Variants in NAALADL2 observed in about 807,000 individuals in gnomAD.
The protein encoded by NAALADL2 is N-acetylated alpha-linked acidic dipeptidase like 2.
Under a neutral mutation model 87.2 loss-of-function variants are expected in NAALADL2, and 76 were observed. The observed-to-expected ratio is 0.87, with a 90% confidence interval of 0.72 to 1.05. The LOEUF (loss-of-function observed/expected upper bound fraction) is 1.05. Ranked by LOEUF, NAALADL2 falls within the 50% of genes least tolerant of loss-of-function variation. The pLI is 0.00. For missense variants in NAALADL2, 1,089 were observed against 945.8 expected, an observed-to-expected ratio of 1.15 and a Z score of -1.99; for synonymous variants, 354 against 331.0, an observed-to-expected ratio of 1.07 and a Z score of -0.75.
intron 3 of NAALADL2, among the ~76,000 whole-genome samples, chr3:174,740,422 T>A (rs1228188768): frequency 6.6e-6 from 1 of 151,978 alleles, no homozygotes; most frequent in East Asian, 1.9e-4. Flanking sequence ...CTTTAGCATT[T>A]GACATTTATT....
intron 11 of NAALADL2, among the ~76,000 whole-genome samples, chr3:175,695,669 A>T (rs1208381294): frequency 6.6e-6 from 1 of 152,180 alleles, no homozygotes; most frequent in African/African-American, 2.4e-5. Context: ...GTACTAAAAA[A>T]TAGTAGAAAT....
At chr3:174,562,720 G>A (rs1203311123) in intron 2 of NAALADL2, among the ~76,000 whole-genome samples, 1 of 151,960 alleles carries the variant, frequency 6.6e-6, no homozygotes, top group South Asian at 2.1e-4. Context: ...TATGACAGGA[G>A]CATACAATTT....
intron 9 of NAALADL2, among the ~76,000 whole-genome samples, chr3:175,559,934 G>T (rs1715997911): frequency 6.6e-6 from 1 of 152,110 alleles, no homozygotes; most frequent in Non-Finnish European, 1.5e-5. Context: ...TTTGGTATCA[G>T]GGTAATATTG....
intron 2 of NAALADL2, among the ~76,000 whole-genome samples, chr3:174,716,258 C>G (rs923214882): frequency 1.1e-4 from 16 of 152,086 alleles, no homozygotes; most frequent in African/African-American, 3.9e-4. Flanking sequence ...CCTGTTTGAC[C>G]AGCCAGATCA....
chr3:174,672,161 T>C (rs1448126295), intron 2 of NAALADL2, among the ~76,000 whole-genome samples: 4 of 152,100 alleles, frequency 2.6e-5, no homozygotes, highest in Non-Finnish European at 5.9e-5. Flanking sequence ...TCTAGCACAA[T>C]GCATTTCAAT....
chr3:175,327,726 A>G (rs967896059), intron 5 of NAALADL2, among the ~76,000 whole-genome samples: 4 of 152,162 alleles, frequency 2.6e-5, no homozygotes, highest in African/African-American at 9.7e-5. Flanking sequence ...AATGGGGGGA[A>G]GTTAATGAAA....
At chr3:175,130,178 G>A (rs1247963142) in intron 2 of NAALADL2, among the ~76,000 whole-genome samples, 2 of 148,758 alleles carry the variant, frequency 1.3e-5, no homozygotes, top group Non-Finnish European at 3.0e-5. Flanking sequence ...ATATCGGGTT[G>A]TATAAGTCCT....
intron 1 of NAALADL2, among the ~76,000 whole-genome samples, chr3:175,078,396 G>A (rs1223430472): frequency 6.6e-6 from 1 of 151,726 alleles, no homozygotes; most frequent in Non-Finnish European, 1.5e-5. Flanking sequence ...AATAATAAGA[G>A]TATGTAATAA....
At chr3:174,863,799 C>A (rs1473348224) in intron 1 of NAALADL2, 4 of 277,304 alleles carry the variant, frequency 1.4e-5, no homozygotes, top group Non-Finnish European at 1.4e-5. Context: ...CAGTATGTGA[C>A]TCTTCCTTCC....
intron 10 of NAALADL2, among the ~76,000 whole-genome samples, chr3:175,607,911 A>ACACGCGCACACACACG (rs113346198): frequency 1.1e-4 from 3 of 28,384 alleles, no homozygotes. Flanking sequence ...ACACACACAC[A>ACACGCGCACACACACG]CGCACACACA....
intron 2 of NAALADL2, among the ~76,000 whole-genome samples, chr3:174,584,648 C>T (rs6775460): frequency 0.91 from 137,997 of 152,112 alleles, 62,770 homozygotes; most frequent in East Asian, 1. Context: ...TGCATGATAG[C>T]TAATTATCCT....
chr3:175,482,107 A>G (rs1726566899), intron 9 of NAALADL2, among the ~76,000 whole-genome samples: 1 of 151,980 alleles, frequency 6.6e-6, no homozygotes, highest in Non-Finnish European at 1.5e-5. Context: ...TAAGAAAAAA[A>G]TTGGAGAAAC....
chr3:174,794,418 A>G (rs1481316748), intron 3 of NAALADL2, among the ~76,000 whole-genome samples: 1 of 152,146 alleles, frequency 6.6e-6, no homozygotes. Flanking sequence ...TAGGCGTATT[A>G]ATGAAGGATG....
intron 4 of NAALADL2, among the ~76,000 whole-genome samples, chr3:175,258,341 A>G (rs1337041596): frequency 7.0e-6 from 1 of 141,852 alleles, no homozygotes; most frequent in South Asian, 2.1e-4. Flanking sequence ...AAAAAAAAAA[A>G]AAGAAAGAAA....
chr3:174,492,850 A>G (rs1718290377), intron 1 of NAALADL2, among the ~76,000 whole-genome samples: 1 of 152,180 alleles, frequency 6.6e-6, no homozygotes, highest in Non-Finnish European at 1.5e-5. Flanking sequence ...GAAGAACTGA[A>G]GCACCAGTTA....
chr3:175,255,236 G>T (rs1749727254), intron 3 of NAALADL2, among the ~76,000 whole-genome samples: 1 of 152,162 alleles, frequency 6.6e-6, no homozygotes, highest in Admixed American at 6.5e-5. Flanking sequence ...GAATGTGATG[G>T]CTGAAGAAAT....
intron 11 of NAALADL2, among the ~76,000 whole-genome samples, chr3:175,708,322 T>G (rs73881358): frequency 0.14 from 20,556 of 151,990 alleles, 1,643 homozygotes; most frequent in Non-Finnish European, 0.18. Flanking sequence ...GAAGAATGGA[T>G]TAGAGAGTGG....
intron 11 of NAALADL2, 126 bp from the exon 12 acceptor site, chr3:175,737,180 A>G: frequency 1.7e-6 from 1 of 578,282 alleles, no homozygotes. Flanking sequence ...ATTTTATAAA[A>G]CTATATTATT....
chr3:174,842,366 A>T (rs1436566277), intron 3 of NAALADL2, among the ~76,000 whole-genome samples: 1 of 152,024 alleles, frequency 6.6e-6, no homozygotes. Flanking sequence ...TAAACTTTTT[A>T]ATGTTTTGCT....
Sources: allele counts gnomAD v4.1 joint callset (sites outside exome capture counted in the v4.1 genomes callset), GRCh38; gene constraint gnomAD v4.1.1; transcripts MANE v1.5; gene names NCBI Gene and HGNC (gene_info 2026-07-23, HGNC 2026-07-21).